EXOC6: variants seen among roughly 807,000 people sequenced by gnomAD.
EXOC6 encodes SEC15-like 1.
In EXOC6, 60 loss-of-function variants were observed where a neutral mutation model predicts 112.5. The observed-to-expected ratio is 0.53, with a 90% CI of 0.43 to 0.66. The LOEUF (loss-of-function observed/expected upper bound fraction) is 0.66. EXOC6 is among the 30% of genes least tolerant of loss of function. EXOC6 has a pLI of 0.00. For missense variants in EXOC6, 855 were observed against 957.1 expected, an observed-to-expected ratio of 0.89 and a Z score of 1.41; for synonymous variants, 295 against 308.0, an observed-to-expected ratio of 0.96 and a Z score of 0.44.
rs1589912598 is a variant in EXOC6, at chr10:92,957,866, ACGATTGAAGTACAG to A, written c.1773+2153_1773+2166del. ...ATAGTCTGTTACCTCTTTCACAAAA[ACGATTGAAGTACAG>A]TCTTGGCTGTAGACATTTGATTGGA... On this transcript the variant is annotated intron_variant, in intron 17 of 21. Transcript: ENST00000260762. Among the ~76,000 whole-genome samples, 8 of 152,298 alleles carry A rather than the reference ACGATTGAAGTACAG, an allele frequency of 5.3e-5. No homozygotes were observed. In the South Asian group the frequency reaches 1.7e-3, roughly 32 times the overall value.
At chr10:92,913,331 T>C (rs4933753) in intron 6 of EXOC6, among the ~76,000 whole-genome samples, 45,633 of 152,124 alleles carry the variant, frequency 0.3, 7,613 homozygotes, top group East Asian at 0.73. Context: ...TGAACTGTTA[T>C]ATAGAATCAT....
At chr10:92,868,172 A>G (rs887326761) in intron 1 of EXOC6, among the ~76,000 whole-genome samples, 4 of 152,098 alleles carry the variant, frequency 2.6e-5, no homozygotes, top group African/African-American at 9.7e-5. Flanking sequence ...AGGGGAGTCC[A>G]CCCATGTTTT....
At chr10:92,851,760 TA>T (rs933619323) in intron 1 of EXOC6, among the ~76,000 whole-genome samples, 1 of 151,204 alleles carries the variant, frequency 6.6e-6, no homozygotes, top group East Asian at 2.0e-4. Flanking sequence ...CTACAGACAT[TA>T]AAAAAAGGTT....
At chr10:92,975,899 G>A (rs1310678777) in intron 18 of EXOC6, among the ~76,000 whole-genome samples, 4 of 130,290 alleles carry the variant, frequency 3.1e-5, no homozygotes, top group Admixed American at 7.4e-5. Flanking sequence ...CTGGCCAGCC[G>A]CCCCGTCCGG....
chr10:93,042,236 G>A (rs540132478), intron 20 of EXOC6, among the ~76,000 whole-genome samples: 10 of 152,016 alleles, frequency 6.6e-5, no homozygotes, highest in African/African-American at 2.4e-4. Context: ...GAAATACCAC[G>A]AGCCCTCCTT....
At chr10:92,860,111 A>G (rs1847835064) in intron 1 of EXOC6, among the ~76,000 whole-genome samples, 1 of 152,038 alleles carries the variant, frequency 6.6e-6, no homozygotes, top group Non-Finnish European at 1.5e-5. Context: ...TAAAACCCCT[A>G]ATCTTCCCAA....
At chr10:93,037,215 A>T (rs1845553967) in intron 20 of EXOC6, among the ~76,000 whole-genome samples, 1 of 146,206 alleles carries the variant, frequency 6.8e-6, no homozygotes, top group Non-Finnish European at 1.5e-5. Flanking sequence ...TGATCATGGC[A>T]CATTGCAGCC....
intron 1 of EXOC6, among the ~76,000 whole-genome samples, chr10:92,887,390 A>ATTTTT (rs11304638): frequency 1.7e-4 from 14 of 83,756 alleles, no homozygotes; most frequent in Non-Finnish European, 2.4e-4. Context: ...GATTAATTTA[A>ATTTTT]TTTTTTTTTT....
intron 20 of EXOC6, among the ~76,000 whole-genome samples, chr10:93,046,277 A>G (rs1845997844): frequency 6.6e-6 from 1 of 152,250 alleles, no homozygotes; most frequent in Non-Finnish European, 1.5e-5. Flanking sequence ...TTGGAAGGAG[A>G]TAAGTGCTGG....
At chr10:92,846,594 GTC>G (rs1322826710), upstream of EXOC6, among the ~76,000 whole-genome samples, 1 of 152,170 alleles carries the variant, frequency 6.6e-6, no homozygotes, top group Non-Finnish European at 1.5e-5. Flanking sequence ...GAAAAGCTAG[GTC>G]TCTCTGCAGG....
chr10:93,021,012 A>G (rs1319150018), intron 20 of EXOC6, among the ~76,000 whole-genome samples: 1 of 151,964 alleles, frequency 6.6e-6, no homozygotes, highest in Non-Finnish European at 1.5e-5. Context: ...AGCTAAACTC[A>G]TGCAAGAAGA....
At chr10:92,865,528 C>T (rs116537909) in intron 1 of EXOC6, among the ~76,000 whole-genome samples, 134 of 152,188 alleles carry the variant, frequency 8.8e-4, no homozygotes, top group African/African-American at 3.0e-3. Context: ...CAGAGGGAGA[C>T]GCCTCCCGGG....
chr10:92,986,452 G>A (rs1249823669), intron 18 of EXOC6, among the ~76,000 whole-genome samples: 1 of 151,678 alleles, frequency 6.6e-6, no homozygotes, highest in Non-Finnish European at 1.5e-5. Flanking sequence ...TGCCTACTAG[G>A]GTTAATTAGG....
At chr10:92,915,215 A>G (rs1283567602) in intron 6 of EXOC6, among the ~76,000 whole-genome samples, 1 of 152,094 alleles carries the variant, frequency 6.6e-6, no homozygotes, top group Admixed American at 6.6e-5. Flanking sequence ...AACTGAGGAA[A>G]TACATGGTTC....
chr10:92,914,285 C>A (rs568627627), intron 6 of EXOC6, among the ~76,000 whole-genome samples: 1 of 152,284 alleles, frequency 6.6e-6, no homozygotes, highest in South Asian at 2.1e-4. Flanking sequence ...CATCTGAAAC[C>A]ATCCACCTGC....
intron 20 of EXOC6, among the ~76,000 whole-genome samples, chr10:93,043,071 G>C (rs1253346610): frequency 6.6e-6 from 1 of 151,928 alleles, no homozygotes. Flanking sequence ...GAGTAGCTGG[G>C]ATTACAGGTG....
chr10:92,986,695 AAAG>A (rs1843023352), intron 18 of EXOC6, among the ~76,000 whole-genome samples: 1 of 151,916 alleles, frequency 6.6e-6, no homozygotes, highest in Admixed American at 6.6e-5. Context: ...AAAAAAAAAA[AAAG>A]TACTTGAATA....
In EXOC6 at chr10:92,898,281, A is replaced by T. The variant is rs200476003; in HGVS notation, c.413-1318A>T. 9.1e-4 allele frequency among the ~76,000 whole-genome samples: 136 copies of T among 150,024 alleles called. 1 individual carries two copies. Among genetic ancestry groups the T allele is most frequent in the Middle Eastern group, 3.4e-3 (1 of 292 alleles). ...AGAAAATTAAAATTAAAAAAAAAAAAATTAGCCAGCTGTGGTGGCGTACCT... is the reference window on the plus strand; with the variant it reads ...AGAAAATTAAAATTAAAAAAAAAAATATTAGCCAGCTGTGGTGGCGTACCT... On this transcript the variant is annotated intron_variant, in intron 4 of 21. Coordinates refer to ENST00000260762, the MANE Select transcript of EXOC6 (RefSeq NM_019053.6).
intron 1 of EXOC6, among the ~76,000 whole-genome samples, chr10:92,867,332 C>T (rs114773357): frequency 0.014 from 2,183 of 152,188 alleles, 52 homozygotes; most frequent in African/African-American, 0.05. Context: ...TCATTGCTGC[C>T]ATTTAGGGGT....
Sources: gnomAD v4.1 joint callset for allele counts (sites outside exome capture counted in the v4.1 genomes callset) on GRCh38, gnomAD v4.1.1 for gene constraint, MANE v1.5 for transcripts, NCBI Gene and HGNC (gene_info 2026-07-23, HGNC 2026-07-21) for gene names.